The following NOS1AP variants were observed in gnomAD, a reference collection of about 807,000 sequenced individuals.
The protein encoded by NOS1AP is nitric oxide synthase 1 adaptor protein.
A neutral mutation model predicts 56.2 loss-of-function variants in NOS1AP; 21 were observed. That is an observed-to-expected ratio of 0.37 (90% CI 0.26 to 0.54). The LOEUF is 0.54. Ranked by LOEUF, NOS1AP falls within the 20% of genes least tolerant of loss-of-function variation. NOS1AP has a pLI of 0.84. For synonymous variants in NOS1AP, 270 were observed against 274.6 expected (o/e 0.98, Z 0.17); for missense variants, 522 against 657.8 (o/e 0.79, Z 2.26).
At chr1:162,109,163 C>T (rs1358968459) in intron 1 of NOS1AP, among the ~76,000 whole-genome samples, 2 of 152,118 alleles carry the variant, frequency 1.3e-5, no homozygotes, top group African/African-American at 4.8e-5. Flanking sequence ...TCCAACTGGC[C>T]CCACCTTGAC....
At chr1:162,149,782 A>G (rs1460332232) in intron 1 of NOS1AP, among the ~76,000 whole-genome samples, 4 of 152,202 alleles carry the variant, frequency 2.6e-5, no homozygotes, top group Non-Finnish European at 4.4e-5. Flanking sequence ...CACATTCTCA[A>G]AAAGGCAGAT....
At chr1:162,140,501 C>G (rs181762716) in intron 1 of NOS1AP, among the ~76,000 whole-genome samples, 4 of 152,264 alleles carry the variant, frequency 2.6e-5, no homozygotes, top group Non-Finnish European at 4.4e-5. Context: ...CACTGTGTAG[C>G]ATTCTGTGGT....
intron 6 of NOS1AP, among the ~76,000 whole-genome samples, chr1:162,351,124 C>CA (rs1258442029): frequency 6.6e-6 from 1 of 152,160 alleles, no homozygotes; most frequent in African/African-American, 2.4e-5. Flanking sequence ...CATATATATG[C>CA]AAATAGGCAA....
intron 2 of NOS1AP, among the ~76,000 whole-genome samples, chr1:162,271,642 C>G (rs1654585694): frequency 6.6e-6 from 1 of 152,242 alleles, no homozygotes; most frequent in South Asian, 2.1e-4. Flanking sequence ...CATGACCAGC[C>G]AGCTCGCTGT....
chr1:162,124,848 C>G (rs1648414874), intron 1 of NOS1AP, among the ~76,000 whole-genome samples: 1 of 152,108 alleles, frequency 6.6e-6, no homozygotes, highest in Non-Finnish European at 1.5e-5. Flanking sequence ...TCTTTATCTA[C>G]TCATCAGTTG....
At chr1:162,324,414 G>GC (rs1286963018) in intron 4 of NOS1AP, among the ~76,000 whole-genome samples, 1 of 103,226 alleles carries the variant, frequency 9.7e-6, no homozygotes. Context: ...AGGGACACTA[G>GC]CCTTTTTTTT....
At chr1:162,196,862 A>G (rs1243581854) in intron 2 of NOS1AP, among the ~76,000 whole-genome samples, 1 of 152,254 alleles carries the variant, frequency 6.6e-6, no homozygotes. Flanking sequence ...GAACGAATCT[A>G]GAGTAGAGTA....
rs565995784 is a variant in NOS1AP, at chr1:162,113,542, C to T, written c.106-40863C>T. On this transcript the variant is annotated intron_variant, in intron 1 of 9. Coordinates refer to ENST00000361897, the MANE Select transcript of NOS1AP (RefSeq NM_014697.3). ...CAGGAAACATGGCAGCATCAGCTAG[C>T]CTTCTGGGGAGGCTTCAGGAAACTT... is the stretch of plus-strand genomic sequence containing the variant. Among the ~76,000 whole-genome samples, 7 of 152,282 alleles carry T rather than the reference C, an allele frequency of 4.6e-5. No individual in the cohort carries two copies. In the South Asian group the frequency reaches 1.5e-3, roughly 32 times the overall value.
intron 3 of NOS1AP, among the ~76,000 whole-genome samples, chr1:162,288,501 G>A (rs1456080028): frequency 1.3e-5 from 2 of 152,132 alleles, no homozygotes; most frequent in African/African-American, 4.8e-5. Flanking sequence ...GATCTTAAAG[G>A]GGACTTGTCA....
At chr1:162,124,206 G>T (rs1228704799) in intron 1 of NOS1AP, among the ~76,000 whole-genome samples, 4 of 152,030 alleles carry the variant, frequency 2.6e-5, no homozygotes, top group African/African-American at 4.8e-5. Context: ...TGAAGTCTGG[G>T]ATTTTAGTGT....
chr1:162,226,527 A>G (rs1385658473), intron 2 of NOS1AP, among the ~76,000 whole-genome samples: 2 of 152,212 alleles, frequency 1.3e-5, no homozygotes, highest in East Asian at 3.8e-4. Context: ...AATAATTGTG[A>G]ACTTGCAAAT....
intron 2 of NOS1AP, among the ~76,000 whole-genome samples, chr1:162,286,878 A>G (rs781593841): frequency 4.6e-5 from 7 of 152,232 alleles, no homozygotes; most frequent in Admixed American, 3.3e-4. Context: ...GAACTTTTAG[A>G]GAGTAATTGA....
intron 2 of NOS1AP, among the ~76,000 whole-genome samples, chr1:162,206,220 A>C (rs181424567): frequency 2.6e-5 from 4 of 152,236 alleles, no homozygotes; most frequent in Non-Finnish European, 4.4e-5. Context: ...TCTGGAAAGG[A>C]AAATGGACTG....
chr1:162,186,982 T>C (rs1191731883), intron 2 of NOS1AP, among the ~76,000 whole-genome samples: 1 of 152,188 alleles, frequency 6.6e-6, no homozygotes, highest in African/African-American at 2.4e-5. Flanking sequence ...TGTTTGTTTT[T>C]TTGAGACAGG....
chr1:162,136,675 A>G (rs74966012), intron 1 of NOS1AP, among the ~76,000 whole-genome samples: 1,874 of 152,280 alleles, frequency 0.012, 26 homozygotes, highest in Non-Finnish European at 0.019. Context: ...ACCTTTCATG[A>G]CAGGAAATTC....
intron 4 of NOS1AP, among the ~76,000 whole-genome samples, chr1:162,332,456 CA>C (rs1656800982): frequency 1.3e-5 from 2 of 152,186 alleles, no homozygotes; most frequent in African/African-American, 4.8e-5. Context: ...GCCTGGCCCA[CA>C]GTGTGCACTC....
At chr1:162,337,423 G>C (rs1656976121) in intron 5 of NOS1AP, among the ~76,000 whole-genome samples, 1 of 152,192 alleles carries the variant, frequency 6.6e-6, no homozygotes, top group South Asian at 2.1e-4. Flanking sequence ...TAAGTCACTT[G>C]CCTGGTCAAA....
At chr1:162,315,095 G>A (rs939517289) in intron 4 of NOS1AP, among the ~76,000 whole-genome samples, 5 of 152,214 alleles carry the variant, frequency 3.3e-5, no homozygotes, top group Non-Finnish European at 7.3e-5. Flanking sequence ...GGACCTTTAT[G>A]TTACCCTCAG....
chr1:162,203,215 A>C (rs939663199), intron 2 of NOS1AP, among the ~76,000 whole-genome samples: 1 of 152,168 alleles, frequency 6.6e-6, no homozygotes, highest in Admixed American at 6.5e-5. Flanking sequence ...ATTATAAATA[A>C]AGCTTTAAGA....
Sources: gnomAD v4.1 joint callset for allele counts (sites outside exome capture counted in the v4.1 genomes callset) on GRCh38, gnomAD v4.1.1 for gene constraint, MANE v1.5 for transcripts, NCBI Gene and HGNC (gene_info 2026-07-23, HGNC 2026-07-21) for gene names.